Variants in AGMO observed in about 807,000 individuals in gnomAD.
AGMO encodes the protein glyceryl-ether monooxygenase.
Under a neutral mutation model 60.2 loss-of-function variants are expected in AGMO, and 75 were observed. The observed-to-expected ratio is 1.25, with a 90% CI of 1.03 to 1.51. The LOEUF (loss-of-function observed/expected upper bound fraction) is 1.51. Among genes scored for constraint, AGMO ranks in the 40% most tolerant of loss-of-function variants. AGMO has a pLI of 0.00. For synonymous variants in AGMO, 261 were observed against 177.1 expected, an observed-to-expected ratio of 1.47 and a Z score of -3.76; for missense variants, 763 against 525.5, an observed-to-expected ratio of 1.45 and a Z score of -4.42.
At chr7:15,401,912 G>A (rs1784561437) in intron 5 of AGMO, among the ~76,000 whole-genome samples, 1 of 152,084 alleles carries the variant, frequency 6.6e-6, no homozygotes, top group South Asian at 2.1e-4. Flanking sequence ...GCATAGGTTA[G>A]AGTGACAACA....
At chr7:15,333,675 A>G (rs565446865) in intron 12 of AGMO, among the ~76,000 whole-genome samples, 2 of 152,124 alleles carry the variant, frequency 1.3e-5, no homozygotes, top group African/African-American at 2.4e-5. Flanking sequence ...TCAGTTGTAA[A>G]TAACATGACA....
At chr7:15,150,455 C>T in the AGMO span, among the ~76,000 whole-genome samples, 1 of 151,894 alleles carries the variant, frequency 6.6e-6, no homozygotes, top group Non-Finnish European at 1.5e-5. Context: ...ATAGATGGCT[C>T]TTATTATTTT....
intron 12 of AGMO, among the ~76,000 whole-genome samples, chr7:15,275,637 G>A (rs969938980): frequency 6.6e-6 from 1 of 152,096 alleles, no homozygotes; most frequent in Non-Finnish European, 1.5e-5. Context: ...TGTCACCAGT[G>A]GGGTGTTAAG....
At chr7:15,133,006 A>G in the AGMO span, among the ~76,000 whole-genome samples, 3 of 152,184 alleles carry the variant, frequency 2.0e-5, no homozygotes, top group Non-Finnish European at 2.9e-5. Flanking sequence ...CCATTTCACT[A>G]TGAAAACAAC....
Position 15,394,180 on chromosome 7 carries a change from C to T in AGMO, c.610-1G>A, listed in dbSNP as rs1160333583. 13 of 1,593,328 alleles carry T rather than the reference C, an allele frequency of 8.2e-6. No individual in the cohort carries two copies. The highest frequency in any genetic ancestry group is 1.1e-5 in the Non-Finnish European group (13 of 1,161,878). On this transcript the variant is annotated splice_acceptor_variant, in intron 5 of 12. Transcript: ENST00000342526. LOFTEE classifies it high-confidence loss of function. ...CCAAAGGACCAAGGTTATTGATGACCTGTTTAAAACAGAAGGAATATTTAT... is the reference window on the plus strand; with the variant it reads ...CCAAAGGACCAAGGTTATTGATGACTTGTTTAAAACAGAAGGAATATTTAT...
At chr7:15,374,869 C>T (rs531451001) in intron 10 of AGMO, among the ~76,000 whole-genome samples, 3 of 152,096 alleles carry the variant, frequency 2.0e-5, no homozygotes, top group Admixed American at 6.5e-5. Flanking sequence ...ATAGAGAACC[C>T]TAAAAATTTG....
chr7:15,286,539 G>A (rs891015975), intron 12 of AGMO, among the ~76,000 whole-genome samples: 18 of 152,000 alleles, frequency 1.2e-4, no homozygotes, highest in Non-Finnish European at 5.9e-5. Flanking sequence ...TCTCACCCAT[G>A]CAAGTGTGGT....
the AGMO span, among the ~76,000 whole-genome samples, chr7:15,190,346 C>A: frequency 2.0e-5 from 3 of 150,684 alleles, no homozygotes; most frequent in African/African-American, 7.3e-5. Context: ...AAAGGAAGGC[C>A]AAAGAAGCAG....
chr7:15,270,931 CTTGT>C (rs1434418330), intron 12 of AGMO, among the ~76,000 whole-genome samples: 3 of 151,828 alleles, frequency 2.0e-5, no homozygotes, highest in South Asian at 2.1e-4. Context: ...TCATTTTCCC[CTTGT>C]TTATTTTTGT....
At chr7:15,141,315 G>A in the AGMO span, among the ~76,000 whole-genome samples, 3 of 152,152 alleles carry the variant, frequency 2.0e-5, no homozygotes, top group African/African-American at 7.2e-5. Context: ...GGGGCACGGT[G>A]GCTCACGTCT....
chr7:15,377,968 G>A (rs73302326), intron 10 of AGMO, among the ~76,000 whole-genome samples: 5,123 of 151,994 alleles, frequency 0.034, 311 homozygotes, highest in African/African-American at 0.12. Flanking sequence ...TGTCATTTTG[G>A]GGGCTAAAGC....
At chr7:15,430,534 G>T (rs1326015989) in intron 4 of AGMO, among the ~76,000 whole-genome samples, 1 of 149,036 alleles carries the variant, frequency 6.7e-6, no homozygotes, top group Non-Finnish European at 1.5e-5. Context: ...TTTGGATCAT[G>T]ATATTGATCT....
chr7:15,137,295 A>G, the AGMO span, among the ~76,000 whole-genome samples: 1 of 152,066 alleles, frequency 6.6e-6, no homozygotes, highest in Non-Finnish European at 1.5e-5. Flanking sequence ...TTACTTTTTT[A>G]TACGTTTTCC....
In AGMO at chr7:15,544,800, G is replaced by A. The variant is rs1231761485; in HGVS notation, c.381C>T (p.Gly127=). 2 of 1,606,612 alleles carry A rather than the reference G, an allele frequency of 1.2e-6. No homozygotes were observed. The highest frequency in any genetic ancestry group is 1.7e-4 in the Middle Eastern group (1 of 6,038). The change falls in exon 3 of 13, where the codon GGC becomes GGT. Residue 127 remains glycine, a synonymous_variant. Coordinates refer to ENST00000342526, the MANE Select transcript of AGMO (RefSeq NM_001004320.2). ...WYSAFLGVDF[G]YYWFHRMAHE... ...GAGCCATACGATGGAACCAGTAGTA[G>A]CCAAAGTCAACTCCTAAGAAGGCTG...
intron 12 of AGMO, among the ~76,000 whole-genome samples, chr7:15,347,948 C>T (rs968758463): frequency 2.6e-5 from 4 of 152,152 alleles, no homozygotes; most frequent in Admixed American, 2.6e-4. Flanking sequence ...AAAGCAACTG[C>T]TTATAACTTT....
intron 12 of AGMO, among the ~76,000 whole-genome samples, chr7:15,274,362 G>A (rs1054561529): frequency 1.3e-5 from 2 of 152,126 alleles, no homozygotes; most frequent in Non-Finnish European, 2.9e-5. Context: ...CTTTTCTGCA[G>A]CTACTGAGAT....
At chr7:15,504,366 T>A (rs1783457885) in intron 3 of AGMO, among the ~76,000 whole-genome samples, 1 of 151,984 alleles carries the variant, frequency 6.6e-6, no homozygotes, top group African/African-American at 2.4e-5. Flanking sequence ...AAGCCTGGCC[T>A]TCTCTGATGG....
intron 5 of AGMO, among the ~76,000 whole-genome samples, chr7:15,407,014 T>C (rs1395142115): frequency 2.8e-5 from 4 of 142,280 alleles, no homozygotes; most frequent in African/African-American, 1.0e-4. Context: ...TATACATATA[T>C]ATGTGTATAT....
At chr7:15,295,988 T>C (rs968846649) in intron 12 of AGMO, among the ~76,000 whole-genome samples, 2 of 152,196 alleles carry the variant, frequency 1.3e-5, no homozygotes, top group African/African-American at 4.8e-5. Context: ...TTTTTAAAAA[T>C]CAGATAATTT....
Sources: gnomAD v4.1 joint callset for allele counts (sites outside exome capture counted in the v4.1 genomes callset) on GRCh38, gnomAD v4.1.1 for gene constraint, MANE v1.5 for transcripts, NCBI Gene and HGNC (gene_info 2026-07-23, HGNC 2026-07-21) for gene names.